Variants in LPCAT1 observed in about 807,000 individuals in gnomAD.
LPCAT1 encodes the protein 1-acylglycerol-3-phosphate O-acyltransferase.
Under a neutral mutation model 60.9 loss-of-function variants are expected in LPCAT1, and 23 were observed. That is an observed-to-expected ratio of 0.38 (90% CI 0.27 to 0.53). The LOEUF is 0.53. Ranked by LOEUF, LPCAT1 falls within the 20% of genes least tolerant of loss-of-function variation. LPCAT1 has a pLI of 0.82. For missense variants in LPCAT1, 622 were observed against 723.6 expected, an observed-to-expected ratio of 0.86 and a Z score of 1.61; for synonymous variants, 340 against 301.1, an observed-to-expected ratio of 1.13 and a Z score of -1.34.
rs964330761 is a variant in LPCAT1 at position 1,495,335 on chromosome 5, G to C, written c.279-421C>G. On this transcript the variant is annotated intron_variant, in intron 2 of 13. Transcript: ENST00000283415. This position sits in a 1 kb window ranked among gnomAD's most constrained non-coding sequence, Gnocchi z 4.7. Reference sequence around the variant, plus strand: ...CTAAAACGCATATCGCAATATGGGGGGGGGGGCGCTCAGAGCTGAGGGCGG... The same window carrying C: ...CTAAAACGCATATCGCAATATGGGGCGGGGGGCGCTCAGAGCTGAGGGCGG... Among the ~76,000 whole-genome samples the C allele has an allele frequency of 2.0e-5, 3 of 151,918 alleles. No individual in the cohort carries two copies. Among genetic ancestry groups the C allele is most frequent in the South Asian group, 2.1e-4 (1 of 4,796 alleles).
intron 13 of LPCAT1, among the ~76,000 whole-genome samples, chr5:1,465,127 CAA>C (rs1200510484): frequency 7.2e-6 from 1 of 139,284 alleles, no homozygotes; most frequent in East Asian, 2.1e-4. Context: ...CACACACACA[CAA>C]AACAAGCGCA....
rs1360973107 is a variant in LPCAT1 at position 1,523,449 on chromosome 5, G to A, written c.135+261C>T. Among the ~76,000 whole-genome samples, 1 of 151,732 alleles carries A rather than the reference G, an allele frequency of 6.6e-6. No homozygotes were observed. On this transcript the variant is annotated intron_variant, in intron 1 of 13. Coordinates refer to ENST00000283415, the MANE Select transcript of LPCAT1 (RefSeq NM_024830.5). This position sits in a 1 kb window ranked among gnomAD's most constrained non-coding sequence, Gnocchi z 7.1. ...GGAGCAGAACGCGGGGCGGGGATGG[G>A]AAGCGGGGACCCCGAGGAAGGCGCT...
At chr5:1,464,429 G>A (rs1477886324) in intron 13 of LPCAT1, among the ~76,000 whole-genome samples, 2 of 152,200 alleles carry the variant, frequency 1.3e-5, no homozygotes, top group African/African-American at 4.8e-5. Context: ...TGGGCCACCC[G>A]GCGAGAAATC....
Position 1,477,073 on chromosome 5 carries a change from C to A in LPCAT1, c.899+331G>T, listed in dbSNP as rs143610292. Among the ~76,000 whole-genome samples the A allele has an allele frequency of 1.2e-3, 185 of 152,320 alleles. 3 individuals are homozygous for A. In the South Asian group the frequency reaches 0.029, roughly 24 times the overall value. The stretch of plus-strand genomic sequence containing the variant: ...GAGCAAAGGTAGGCGTGGAGGCCGC[C>A]GCACAGATGTGAAGTTGGCCCAGGC... On this transcript the variant is annotated intron_variant, in intron 9 of 13. Coordinates refer to ENST00000283415, the MANE Select transcript of LPCAT1 (RefSeq NM_024830.5). This position sits in a 1 kb window ranked among gnomAD's most constrained non-coding sequence, Gnocchi z 6.0.
chr5:1,465,101 G>A (rs1046684730), intron 13 of LPCAT1, among the ~76,000 whole-genome samples: 2 of 133,954 alleles, frequency 1.5e-5, no homozygotes, highest in African/African-American at 2.8e-5. Flanking sequence ...ATGCACACAT[G>A]GTAACCACAC....
At chr5:1,511,728 T>C (rs1045249013) in intron 1 of LPCAT1, among the ~76,000 whole-genome samples, 15 of 152,306 alleles carry the variant, frequency 9.8e-5, no homozygotes, top group Non-Finnish European at 1.6e-4. Context: ...AGCCAGGGAA[T>C]CCCTGAGTGG....
intron 3 of LPCAT1, among the ~76,000 whole-genome samples, chr5:1,492,071 TGGGAGATGTCTCTGAGCTGGAAACCA>T (rs1735605326): frequency 8.7e-6 from 1 of 115,474 alleles, no homozygotes; most frequent in Non-Finnish European, 1.8e-5. Context: ...GCTGGGACCA[TGGGAGATGTCTCTGAGCTGGAAACCA>T]GGGAGATGTC....
In LPCAT1 at chr5:1,522,007, G is replaced by A. The variant is rs1055713843; in HGVS notation, c.135+1703C>T. Among the ~76,000 whole-genome samples, 3 of 152,202 alleles carry A rather than the reference G, an allele frequency of 2.0e-5. No homozygotes were observed. Among genetic ancestry groups the A allele is most frequent in the Admixed American group, 6.5e-5 (1 of 15,282 alleles). Reference sequence around the variant, plus strand: ...TGACAGGGATGACGAAGTGGCCTCCGGGGACCTCCAGGGAGGGGCTTGATG... The same window carrying A: ...TGACAGGGATGACGAAGTGGCCTCCAGGGACCTCCAGGGAGGGGCTTGATG... On this transcript the variant is annotated intron_variant, in intron 1 of 13. Coordinates refer to ENST00000283415, the MANE Select transcript of LPCAT1 (RefSeq NM_024830.5). The surrounding 1 kb of genome is among the most constrained non-coding windows in gnomAD (Gnocchi z 6.8).
At position 1,489,743 on chromosome 5, in the gene LPCAT1, T is replaced by C. The variant is rs1735504015; in HGVS notation, c.606+3A>G. 8 of 1,598,328 alleles carry C rather than the reference T, an allele frequency of 5.0e-6. No individual in the cohort carries two copies. In the East Asian group the frequency reaches 1.8e-4, roughly 36 times the overall value. ...GAAACACAATCAGGGCTACGTGCAT[T>C]ACCTGTGGCCACTTTCCGTTGGACT... On this transcript the variant is annotated splice_donor_region_variant and intron_variant, in intron 4 of 13. Transcript: ENST00000283415.
At chr5:1,514,696 C>T (rs565880351) in intron 1 of LPCAT1, among the ~76,000 whole-genome samples, 2 of 152,342 alleles carry the variant, frequency 1.3e-5, no homozygotes, top group Non-Finnish European at 2.9e-5. Flanking sequence ...GGGCTGTGGA[C>T]CATGCAGGCG....
At chr5:1,497,035 G>C (rs1166712087) in intron 2 of LPCAT1, among the ~76,000 whole-genome samples, 1 of 152,222 alleles carries the variant, frequency 6.6e-6, no homozygotes. Flanking sequence ...TGAGACGTGT[G>C]AGCAGAGCAG....
intron 1 of LPCAT1, among the ~76,000 whole-genome samples, chr5:1,510,135 G>C (rs1736311703): frequency 1.3e-5 from 2 of 151,884 alleles, no homozygotes; most frequent in Middle Eastern, 6.4e-3. Context: ...CCTGACCTTA[G>C]ATTTCAGTGA....
At position 1,521,665 on chromosome 5, in the gene LPCAT1, A is replaced by T. The variant is rs887895796; in HGVS notation, c.135+2045T>A. 2.6e-5 allele frequency among the ~76,000 whole-genome samples: 4 copies of T among 152,222 alleles called. No individual in the cohort carries two copies. Among genetic ancestry groups the T allele is most frequent in the Admixed American group, 2.6e-4 (4 of 15,286 alleles). On this transcript the variant is annotated intron_variant, in intron 1 of 13. Coordinates refer to ENST00000283415, the MANE Select transcript of LPCAT1 (RefSeq NM_024830.5). The surrounding 1 kb of genome is among the most constrained non-coding windows in gnomAD (Gnocchi z 4.3). ...CTAATTCCTCAGATGGAACCTCTGAAGTGGCAACAAAGCAAGCCCCCTCTC... is the reference window on the plus strand; with the variant it reads ...CTAATTCCTCAGATGGAACCTCTGATGTGGCAACAAAGCAAGCCCCCTCTC...
At chr5:1,475,091 C>T (rs180917056) in intron 9 of LPCAT1, among the ~76,000 whole-genome samples, 14 of 152,348 alleles carry the variant, frequency 9.2e-5, no homozygotes, top group Non-Finnish European at 1.2e-4. Context: ...AGGGTTGCCA[C>T]AAACGTGAAG....
intron 12 of LPCAT1, among the ~76,000 whole-genome samples, chr5:1,469,274 G>C (rs1452180891): frequency 1.3e-5 from 2 of 152,120 alleles, no homozygotes; most frequent in Non-Finnish European, 2.9e-5. Flanking sequence ...CCCACCCCAA[G>C]CAGGGACCCG....
chr5:1,515,481 C>A (rs1433795613), intron 1 of LPCAT1, among the ~76,000 whole-genome samples: 1 of 148,914 alleles, frequency 6.7e-6, no homozygotes, highest in Non-Finnish European at 1.5e-5. Flanking sequence ...CATCCTGGCC[C>A]AAGTCCCACC....
In LPCAT1 at chr5:1,463,289, G is replaced by A. The variant is rs995486355; in HGVS notation, c.*362C>T. ...CAGGCGTGTGCTGAGTGTGCACGGA[G>A]GCCCGCCCGGTGCACGCTGCCGCCG... is the stretch of plus-strand genomic sequence containing the variant. On this transcript the variant is annotated 3_prime_UTR_variant, in exon 14 of 14. Coordinates refer to ENST00000283415, the MANE Select transcript of LPCAT1 (RefSeq NM_024830.5). The A allele has an allele frequency of 8.5e-6, 2 of 236,194 alleles. No homozygotes were observed. The highest frequency in any genetic ancestry group is 4.5e-5 in the African/African-American group (2 of 44,006). The allele number at this position is 236,194 out of a possible 1,614,324, so 14.6% of individuals were successfully genotyped here.
chr5:1,502,024 C>T lies in LPCAT1; in HGVS notation c.136-421G>A, dbSNP rs1736035670. ...GCTGACCAACATTGACCGGCACTGA[C>T]CAAGGCTGACCGGTGCTGATGCCGA... On this transcript the variant is annotated intron_variant, in intron 1 of 13. Coordinates refer to ENST00000283415, the MANE Select transcript of LPCAT1 (RefSeq NM_024830.5). The surrounding 1 kb of genome is among the most constrained non-coding windows in gnomAD (Gnocchi z 5.5). 6.6e-6 allele frequency among the ~76,000 whole-genome samples: 1 copy of T among 152,234 alleles called. No homozygotes were observed. The highest frequency in any genetic ancestry group is 1.5e-5 in the Non-Finnish European group (1 of 68,036).
rs754798900 is a variant in LPCAT1, at chr5:1,463,611, T to A, written c.*40A>T. ...CGCAAAGAGGCTCATGGCGGTGATGTCCACGCGGGAGGGGCCGCGTCTCTC... is the reference window on the plus strand; with the variant it reads ...CGCAAAGAGGCTCATGGCGGTGATGACCACGCGGGAGGGGCCGCGTCTCTC... On this transcript the variant is annotated 3_prime_UTR_variant, in exon 14 of 14. Transcript: ENST00000283415. 1 of 1,604,048 alleles carries A rather than the reference T, an allele frequency of 6.2e-7. No individual in the cohort carries two copies. The highest frequency in any genetic ancestry group is 2.2e-5 in the East Asian group (1 of 44,826).
Sources: gnomAD v4.1 joint callset for allele counts (sites outside exome capture counted in the v4.1 genomes callset) on GRCh38, gnomAD v4.1.1 for gene constraint, Gnocchi (gnomAD v3.1) non-coding constraint, MANE v1.5 for transcripts, NCBI Gene and HGNC (gene_info 2026-07-23, HGNC 2026-07-21) for gene names.